FAM107B: variants seen among roughly 807,000 people sequenced by gnomAD.
FAM107B encodes family with sequence similarity 107 member B.
Under a neutral mutation model 31.5 loss-of-function variants are expected in FAM107B, and 21 were observed. The ratio of observed to expected loss-of-function variants is 0.67; its 90% CI spans 0.47 to 0.96. The LOEUF is 0.96. FAM107B is among the 40% of genes least tolerant of loss of function. FAM107B has a pLI of 0.00. For missense variants in FAM107B, 452 were observed against 377.1 expected (o/e 1.20, Z -1.64); for synonymous variants, 157 against 141.5 (o/e 1.11, Z -0.78).
chr10:14,631,925 T>G (rs993355459), intron 2 of FAM107B, among the ~76,000 whole-genome samples: 3 of 152,266 alleles, frequency 2.0e-5, no homozygotes, highest in East Asian at 3.9e-4. Flanking sequence ...TAGGTTGCCA[T>G]ACGACCGCAC....
chr10:14,625,584 A>C (rs1174922345), intron 2 of FAM107B, among the ~76,000 whole-genome samples: 1 of 152,150 alleles, frequency 6.6e-6, no homozygotes, highest in Non-Finnish European at 1.5e-5. Context: ...GGTGTGCCAA[A>C]ATAGGCATTA....
intron 2 of FAM107B, among the ~76,000 whole-genome samples, chr10:14,600,837 C>G (rs1852371031): frequency 6.6e-6 from 1 of 152,078 alleles, no homozygotes. Flanking sequence ...AGATGGGGGT[C>G]ACTATGTTGC....
chr10:14,598,862 T>C (rs1415362318), intron 2 of FAM107B, among the ~76,000 whole-genome samples: 1 of 152,122 alleles, frequency 6.6e-6, no homozygotes, highest in Admixed American at 6.5e-5. Context: ...CAGATGAGAA[T>C]ACTAGAGCTC....
intron 2 of FAM107B, among the ~76,000 whole-genome samples, chr10:14,609,264 T>C (rs1205337146): frequency 1.3e-5 from 2 of 152,186 alleles, no homozygotes; most frequent in Non-Finnish European, 2.9e-5. Context: ...TCGTCCTTTT[T>C]TTAGTCCAGA....
chr10:14,713,136 A>G (rs1428687253), intron 1 of FAM107B, among the ~76,000 whole-genome samples: 1 of 152,096 alleles, frequency 6.6e-6, no homozygotes. Context: ...GATTAAGTAA[A>G]CCACATTGCT....
At chr10:14,748,864 C>T (rs936355936) in intron 1 of FAM107B, among the ~76,000 whole-genome samples, 1 of 152,204 alleles carries the variant, frequency 6.6e-6, no homozygotes, top group African/African-American at 2.4e-5. Context: ...ACAACGAAAA[C>T]CAGGTAAAAT....
At chr10:14,616,308 C>T (rs184541847) in intron 2 of FAM107B, among the ~76,000 whole-genome samples, 2 of 152,186 alleles carry the variant, frequency 1.3e-5, no homozygotes, top group Admixed American at 6.5e-5. Context: ...ACTGGAAACT[C>T]GAGCTTCAAA....
chr10:14,738,311 A>G (rs1038952141), intron 1 of FAM107B, among the ~76,000 whole-genome samples: 29 of 152,154 alleles, frequency 1.9e-4, no homozygotes, highest in African/African-American at 7.0e-4. Context: ...TAGGGAAAAG[A>G]TAAGGCGTAG....
chr10:14,664,737 T>A (rs780642406), intron 2 of FAM107B, among the ~76,000 whole-genome samples: 4 of 152,262 alleles, frequency 2.6e-5, no homozygotes, highest in Non-Finnish European at 5.9e-5. Flanking sequence ...GATTCTTCAC[T>A]ATATAGCATA....
At chr10:14,757,142 A>G (rs150611340) in intron 1 of FAM107B, among the ~76,000 whole-genome samples, 38 of 152,326 alleles carry the variant, frequency 2.5e-4, no homozygotes, top group African/African-American at 8.9e-4. Context: ...CTGCACTTGT[A>G]ACCCTAAACT....
At chr10:14,752,759 C>T (rs1832855357) in intron 1 of FAM107B, among the ~76,000 whole-genome samples, 4 of 152,036 alleles carry the variant, frequency 2.6e-5, no homozygotes, top group South Asian at 4.2e-4. Context: ...TGGCGAGACC[C>T]CATCTCTACA....
Position 14,521,001 on chromosome 10 carries a change from G to A in FAM107B, c.*189C>T, listed in dbSNP as rs1345285780. The A allele has an allele frequency of 1.1e-5, 6 of 544,422 alleles. No individual in the cohort carries two copies. Among genetic ancestry groups the A allele is most frequent in the Non-Finnish European group, 1.9e-5 (6 of 308,906 alleles). 33.7% of individuals were successfully genotyped at this position (544,422 alleles called of 1,614,324 possible). A position where few individuals can be genotyped will look rare whatever the true frequency, so the allele number is the denominator to read the frequency against. On this transcript the variant is annotated 3_prime_UTR_variant, in exon 5 of 5. Transcript: ENST00000181796. ...CGTGCGGGGCACTGCCCTTCATTTG[G>A]CGAATAGGAACTGCAACTGTCACAG...
chr10:14,570,236 GTGTGT>G (rs1564577258), intron 2 of FAM107B, among the ~76,000 whole-genome samples: 18 of 91,302 alleles, frequency 2.0e-4, no homozygotes, highest in East Asian at 1.3e-3. Context: ...TGTGGTGGGT[GTGTGT>G]GTGTGTGTGT....
chr10:14,574,096 G>GT (rs1221899100), intron 2 of FAM107B, among the ~76,000 whole-genome samples: 4 of 152,172 alleles, frequency 2.6e-5, no homozygotes, highest in African/African-American at 9.7e-5. Context: ...TCTCAGTTCA[G>GT]TAAGAACAGG....
At chr10:14,755,086 A>T (rs1388082060) in intron 1 of FAM107B, among the ~76,000 whole-genome samples, 1 of 152,252 alleles carries the variant, frequency 6.6e-6, no homozygotes, top group Non-Finnish European at 1.5e-5. Context: ...AGCATATTTT[A>T]GATGAATAGA....
At chr10:14,660,419 A>G (rs951339638) in intron 2 of FAM107B, among the ~76,000 whole-genome samples, 1 of 152,246 alleles carries the variant, frequency 6.6e-6, no homozygotes, top group African/African-American at 2.4e-5. Flanking sequence ...AATTATCTCA[A>G]GAAAGCATGG....
chr10:14,722,307 A>G (rs1046863617), intron 1 of FAM107B, among the ~76,000 whole-genome samples: 4 of 152,250 alleles, frequency 2.6e-5, no homozygotes, highest in African/African-American at 9.6e-5. Context: ...GGCATTTGTG[A>G]ATGGCTTCTT....
chr10:14,524,881 C>T (rs1392657047), intron 3 of FAM107B, among the ~76,000 whole-genome samples: 2 of 152,224 alleles, frequency 1.3e-5, no homozygotes, highest in African/African-American at 2.4e-5. Context: ...TTGGCTGACA[C>T]TCTATTGCAA....
At chr10:14,667,960 T>G (rs997953310) in intron 1 of FAM107B, among the ~76,000 whole-genome samples, 4 of 152,156 alleles carry the variant, frequency 2.6e-5, no homozygotes, top group African/African-American at 7.2e-5. Context: ...CCTGGAGTGG[T>G]GCAACCCAGG....
Sources: allele counts gnomAD v4.1 joint callset (sites outside exome capture counted in the v4.1 genomes callset), GRCh38; gene constraint gnomAD v4.1.1; transcripts MANE v1.5; gene names NCBI Gene and HGNC (gene_info 2026-07-23, HGNC 2026-07-21).